The following CAMK2D variants were observed in gnomAD, a reference collection of about 807,000 sequenced individuals.
The protein encoded by CAMK2D is calcium/calmodulin-dependent protein kinase type II subunit delta.
CAMK2D carries 37 observed loss-of-function variants against 84.0 expected under a neutral mutation model. The ratio of observed to expected loss-of-function variants is 0.44; its 90% CI spans 0.34 to 0.58. The LOEUF (loss-of-function observed/expected upper bound fraction) is 0.58. CAMK2D is among the 20% of genes least tolerant of loss of function. CAMK2D has a pLI of 0.02. For synonymous variants in CAMK2D, 202 were observed against 212.5 expected (o/e 0.95, Z 0.43); for missense variants, 448 against 652.5 (o/e 0.69, Z 3.41).
chr4:113,699,217 T>A (rs374967583), intron 2 of CAMK2D, among the ~76,000 whole-genome samples: 2 of 152,234 alleles, frequency 1.3e-5, no homozygotes, highest in Admixed American at 6.6e-5. Context: ...TCATAGGCCA[T>A]GGAATTAAAG....
rs77555644 is a variant in CAMK2D at position 113,654,660 on chromosome 4, C to T, written c.220+7053G>A. Among the ~76,000 whole-genome samples, 1,420 of 152,086 alleles carry T rather than the reference C, an allele frequency of 9.3e-3. 31 individuals are homozygous for T. The highest frequency in any genetic ancestry group is 0.032 in the African/African-American group (1,345 of 41,514). On this transcript the variant is annotated intron_variant, in intron 3 of 20. Transcript: ENST00000511664. Reference sequence around the variant, plus strand: ...GCTTCAAGTTAGGTTCCCTAAACATCGCCATCTCTTTACAGAAGCAATCAA... The same window carrying T: ...GCTTCAAGTTAGGTTCCCTAAACATTGCCATCTCTTTACAGAAGCAATCAA...
intron 2 of CAMK2D, among the ~76,000 whole-genome samples, chr4:113,741,903 G>A (rs760930013): frequency 5.9e-5 from 9 of 152,044 alleles, no homozygotes; most frequent in South Asian, 2.1e-4. Context: ...TTCTTTCTTC[G>A]TATTTTCTCA....
rs34196728 is a variant in CAMK2D, at chr4:113,688,910, CAAA to C, written c.161-27141_161-27139del. On this transcript the variant is annotated intron_variant, in intron 2 of 20. Transcript: ENST00000511664. ...AACAGATTAATATACAAAGAAGATGCAAAAAAAAAAAAAAAAAAAAAAAGGAAA... is the reference window on the plus strand; with the variant it reads ...AACAGATTAATATACAAAGAAGATGCAAAAAAAAAAAAAAAAAAAAGGAAA... 1.8e-3 allele frequency among the ~76,000 whole-genome samples: 90 copies of C among 49,714 alleles called. 1 individual carries two copies. The highest frequency in any genetic ancestry group is 6.1e-3 in the African/African-American group (80 of 13,222). 32.6% of individuals were successfully genotyped at this position (49,714 alleles called of 152,430 possible). A position where few individuals can be genotyped will look rare whatever the true frequency, so the allele number is the denominator to read the frequency against.
intron 19 of CAMK2D, 40 bp from the exon 20 acceptor site, chr4:113,455,861 TGAA>T: frequency 8.0e-7 from 1 of 1,256,816 alleles, no homozygotes; most frequent in Non-Finnish European, 1.2e-6. Context: ...TGGCATAAAA[TGAA>T]GTTTTCTTGA....
intron 16 of CAMK2D, among the ~76,000 whole-genome samples, chr4:113,498,614 T>A (rs2097978501): frequency 1.3e-5 from 2 of 152,328 alleles, no homozygotes; most frequent in Non-Finnish European, 2.9e-5. Flanking sequence ...CCTCTAATAC[T>A]TGTATACAGA....
intron 16 of CAMK2D, among the ~76,000 whole-genome samples, chr4:113,499,735 G>T (rs1170519933): frequency 6.6e-6 from 1 of 152,094 alleles, no homozygotes; most frequent in African/African-American, 2.4e-5. Flanking sequence ...GGTCTATAGA[G>T]ACTGTAGTTA....
rs1341707160 is a variant in CAMK2D, at chr4:113,563,602, G to T, written c.276-11506C>A. On this transcript the variant is annotated intron_variant, in intron 4 of 20. Transcript: ENST00000511664. ...CCAACTCTAAGATAGTGGTTCAATG[G>T]GTAGTTTGGTGGATGGTGCTATCCC... 5.3e-5 allele frequency among the ~76,000 whole-genome samples: 8 copies of T among 152,210 alleles called. No homozygotes were observed. In the South Asian group the frequency reaches 1.5e-3, roughly 28 times the overall value.
chr4:113,624,222 G>T (rs1323601441), intron 3 of CAMK2D, among the ~76,000 whole-genome samples: 1 of 152,140 alleles, frequency 6.6e-6, no homozygotes, highest in East Asian at 1.9e-4. Context: ...CCTAAGATTT[G>T]ATATGTAACA....
chr4:113,695,906 G>T (rs74822527), intron 2 of CAMK2D, among the ~76,000 whole-genome samples: 1 of 151,980 alleles, frequency 6.6e-6, no homozygotes, highest in African/African-American at 2.4e-5. Context: ...CTATGTATGA[G>T]CTGTGCCCCT....
chr4:113,662,566 C>G (rs2099238626), intron 2 of CAMK2D, among the ~76,000 whole-genome samples: 4 of 152,202 alleles, frequency 2.6e-5, no homozygotes, highest in Middle Eastern at 3.4e-3. Context: ...TAGTTGAAAA[C>G]TTATACACAA....
At chr4:113,598,280 A>G (rs1161649161) in intron 4 of CAMK2D, among the ~76,000 whole-genome samples, 2 of 152,182 alleles carry the variant, frequency 1.3e-5, no homozygotes, top group Non-Finnish European at 2.9e-5. Context: ...AAGGCAATAC[A>G]CTGGAAAAAA....
intron 2 of CAMK2D, among the ~76,000 whole-genome samples, chr4:113,723,679 G>A (rs756896224): frequency 6.6e-6 from 1 of 152,042 alleles, no homozygotes; most frequent in African/African-American, 2.4e-5. Flanking sequence ...TTATATGTGT[G>A]TATATGTATA....
intron 2 of CAMK2D, among the ~76,000 whole-genome samples, chr4:113,687,115 G>T (rs1159960949): frequency 6.6e-6 from 1 of 152,050 alleles, no homozygotes; most frequent in Non-Finnish European, 1.5e-5. Context: ...ATATGGTCGT[G>T]ACCTTTCTAA....
At chr4:113,514,240 G>A (rs1204996948) in intron 10 of CAMK2D, among the ~76,000 whole-genome samples, 6 of 151,898 alleles carry the variant, frequency 4.0e-5, no homozygotes, top group African/African-American at 9.7e-5. Flanking sequence ...TGGCGAAACC[G>A]CATCTCTACT....
At chr4:113,535,592 C>T (rs1229684352) in intron 7 of CAMK2D, among the ~76,000 whole-genome samples, 2 of 152,200 alleles carry the variant, frequency 1.3e-5, no homozygotes, top group African/African-American at 4.8e-5. Flanking sequence ...TCATTAACTA[C>T]TACTCACTCG....
chr4:113,548,960 T>C (rs960280319), intron 5 of CAMK2D, among the ~76,000 whole-genome samples: 3 of 152,186 alleles, frequency 2.0e-5, no homozygotes, highest in Non-Finnish European at 4.4e-5. Context: ...ACAAAACAAT[T>C]TGAGTTGTGT....
intron 2 of CAMK2D, among the ~76,000 whole-genome samples, chr4:113,736,746 A>G (rs1158138445): frequency 6.6e-6 from 1 of 152,188 alleles, no homozygotes; most frequent in Non-Finnish European, 1.5e-5. Context: ...AAAAATAATT[A>G]TGAAAAACAG....
At chr4:113,500,375 A>G (rs907488344) in intron 16 of CAMK2D, 88 bp downstream of exon 16, 2 of 697,416 alleles carry the variant, frequency 2.9e-6, no homozygotes, top group African/African-American at 3.6e-5. Flanking sequence ...CCTACTTCCT[A>G]AACTTATTAG....
intron 8 of CAMK2D, among the ~76,000 whole-genome samples, chr4:113,529,786 T>C (rs1270012515): frequency 6.6e-6 from 1 of 152,206 alleles, no homozygotes; most frequent in Non-Finnish European, 1.5e-5. Flanking sequence ...CAATATTTAC[T>C]AGTTCACTCT....
Sources: allele counts gnomAD v4.1 joint callset (sites outside exome capture counted in the v4.1 genomes callset), GRCh38; gene constraint gnomAD v4.1.1; transcripts MANE v1.5; gene names NCBI Gene and HGNC (gene_info 2026-07-23, HGNC 2026-07-21).